The following KIF26B variants were observed in gnomAD, a reference collection of about 807,000 sequenced individuals.
KIF26B encodes the protein kinesin-like protein KIF26B.
KIF26B carries 63 observed loss-of-function variants against 151.2 expected under a neutral mutation model. The observed-to-expected ratio is 0.42, with a 90% confidence interval of 0.34 to 0.51. The LOEUF is 0.51. KIF26B is among the 20% of genes least tolerant of loss of function. KIF26B has a pLI of 0.07. For missense variants in KIF26B, 2,813 were observed against 2,913.6 expected, an observed-to-expected ratio of 0.97 and a Z score of 0.79; for synonymous variants, 1,357 against 1,262.1, an observed-to-expected ratio of 1.08 and a Z score of -1.59.
chr1:245,230,166 AAC>A (rs1491309333), intron 2 of KIF26B, among the ~76,000 whole-genome samples: 1 of 151,042 alleles, frequency 6.6e-6, no homozygotes, highest in Non-Finnish European at 1.5e-5. Context: ...AAAAAAAAAA[AAC>A]AACAACACTC....
At chr1:245,524,215 T>A (rs1301065672) in intron 4 of KIF26B, among the ~76,000 whole-genome samples, 1 of 152,176 alleles carries the variant, frequency 6.6e-6, no homozygotes, top group Non-Finnish European at 1.5e-5. Context: ...CAAAAGCATT[T>A]AGTGTGCTCC....
chr1:245,218,144 G>A lies in KIF26B; in HGVS notation c.465+61461G>A, dbSNP rs1254489987. 1.3e-5 allele frequency among the ~76,000 whole-genome samples: 2 copies of A among 152,226 alleles called. No individual in the cohort carries two copies. The highest frequency in any genetic ancestry group is 4.8e-5 in the African/African-American group (2 of 41,466). On this transcript the variant is annotated intron_variant, in intron 2 of 14. Coordinates refer to ENST00000407071, the MANE Select transcript of KIF26B (RefSeq NM_018012.4). This position sits in a 1 kb window ranked among gnomAD's most constrained non-coding sequence, Gnocchi z 4.1. ...GCAGCGGGCAGAGGCCAGAGGCCAT[G>A]GTGGGGGCCCCAGAACTCAGGCTGG...
intron 4 of KIF26B, among the ~76,000 whole-genome samples, chr1:245,460,942 G>A (rs1467618868): frequency 6.6e-6 from 1 of 152,314 alleles, no homozygotes; most frequent in East Asian, 1.9e-4. Context: ...AATAGTGACC[G>A]AAAACAAATA....
intron 4 of KIF26B, among the ~76,000 whole-genome samples, chr1:245,438,155 A>G (rs1213386805): frequency 1.3e-5 from 2 of 152,142 alleles, no homozygotes; most frequent in Non-Finnish European, 2.9e-5. Flanking sequence ...TGTTGGATGA[A>G]TTTGGTTAGC....
intron 3 of KIF26B, among the ~76,000 whole-genome samples, chr1:245,381,677 A>G (rs968873023): frequency 1.3e-5 from 2 of 152,048 alleles, no homozygotes; most frequent in African/African-American, 4.8e-5. Context: ...CACCTCCAGA[A>G]TACTCTGCAT....
chr1:245,207,362 A>G (rs902275472), intron 2 of KIF26B, among the ~76,000 whole-genome samples: 1 of 152,140 alleles, frequency 6.6e-6, no homozygotes, highest in Non-Finnish European at 1.5e-5. Context: ...TCCTGCCTCC[A>G]TTGGCTGGAG....
intron 3 of KIF26B, among the ~76,000 whole-genome samples, chr1:245,385,859 G>A (rs968401407): frequency 3.3e-5 from 5 of 152,262 alleles, no homozygotes; most frequent in African/African-American, 1.2e-4. Flanking sequence ...GTGAAGGCAG[G>A]GTCACAGATA....
At chr1:245,485,337 A>G (rs1480106606) in intron 4 of KIF26B, among the ~76,000 whole-genome samples, 3 of 151,698 alleles carry the variant, frequency 2.0e-5, no homozygotes, top group Non-Finnish European at 4.4e-5. Context: ...TGAATTATAC[A>G]CTTAAAGATG....
chr1:245,527,841 C>G lies in KIF26B; in HGVS notation c.1167-12926C>G, dbSNP rs151196063. 3.2e-3 allele frequency among the ~76,000 whole-genome samples: 493 copies of G among 152,024 alleles called. No individual in the cohort carries two copies. In the Middle Eastern group the frequency reaches 0.034, roughly 10 times the overall value. On this transcript the variant is annotated intron_variant, in intron 4 of 14. Coordinates refer to ENST00000407071, the MANE Select transcript of KIF26B (RefSeq NM_018012.4). ...AGCCACCGCGCCCGGCCCGGGATGG[C>G]TTTTTAATGCATGTTTAAATGGATC... is the stretch of plus-strand genomic sequence containing the variant.
At chr1:245,181,551 A>G (rs1359493650) in intron 2 of KIF26B, among the ~76,000 whole-genome samples, 1 of 151,310 alleles carries the variant, frequency 6.6e-6, no homozygotes, top group Non-Finnish European at 1.5e-5. Flanking sequence ...TTCTTCCATT[A>G]TATTATAGCC....
chr1:245,232,940 A>G (rs1399665635), intron 2 of KIF26B, among the ~76,000 whole-genome samples: 2 of 152,196 alleles, frequency 1.3e-5, no homozygotes, highest in African/African-American at 4.8e-5. Context: ...GAAGCCTCAG[A>G]ATTCTACTCA....
At chr1:245,309,867 A>G (rs1671632849) in intron 2 of KIF26B, among the ~76,000 whole-genome samples, 2 of 146,232 alleles carry the variant, frequency 1.4e-5, no homozygotes, top group Non-Finnish European at 1.5e-5. Flanking sequence ...TTTAATATAT[A>G]TAATAAATCA....
rs142944235 is a variant in KIF26B, at chr1:245,393,559, A to T, written c.1000-26020A>T. ...ATTGTAATTTGGGAGTGAGACGCAG[A>T]ATAACTCAAGGAGGAGCATGGAAGG... On this transcript the variant is annotated intron_variant, in intron 3 of 14. Coordinates refer to ENST00000407071, the MANE Select transcript of KIF26B (RefSeq NM_018012.4). Among the ~76,000 whole-genome samples the T allele has an allele frequency of 6.8e-4, 103 of 152,368 alleles. 1 individual carries two copies. Among genetic ancestry groups the T allele is most frequent in the Non-Finnish European group, 1.2e-3 (84 of 68,040 alleles).
chr1:245,419,282 A>C (rs1327449475), intron 3 of KIF26B, among the ~76,000 whole-genome samples: 1 of 152,224 alleles, frequency 6.6e-6, no homozygotes, highest in Non-Finnish European at 1.5e-5. Flanking sequence ...CAAAGAGTGC[A>C]TGGATAATGG....
Position 245,171,294 on chromosome 1 carries a change from A to C in KIF26B, c.465+14611A>C, listed in dbSNP as rs142599880. Among the ~76,000 whole-genome samples the C allele has an allele frequency of 6.2e-3, 945 of 152,372 alleles. 6 individuals are homozygous for C. The highest frequency in any genetic ancestry group is 0.021 in the African/African-American group (878 of 41,598). On this transcript the variant is annotated intron_variant, in intron 2 of 14. Transcript: ENST00000407071. ...CACGGTGGCTCACGCCTGTAATCCC[A>C]GCACTTTGGGAGGCCAAGGCGGGCG... is the stretch of plus-strand genomic sequence containing the variant.
intron 5 of KIF26B, among the ~76,000 whole-genome samples, chr1:245,548,125 C>T (rs1435760064): frequency 6.6e-6 from 1 of 152,144 alleles, no homozygotes; most frequent in Non-Finnish European, 1.5e-5. Context: ...TATCTATGGG[C>T]AAGCTAGAAT....
At chr1:245,584,194 A>G (rs2043202918) in intron 5 of KIF26B, among the ~76,000 whole-genome samples, 1 of 151,964 alleles carries the variant, frequency 6.6e-6, no homozygotes, top group Non-Finnish European at 1.5e-5. Context: ...TCATGCTCCC[A>G]TTCTCATCAC....
chr1:245,156,912 G>A (rs1668447804), intron 2 of KIF26B, among the ~76,000 whole-genome samples: 2 of 152,234 alleles, frequency 1.3e-5, no homozygotes, highest in Non-Finnish European at 2.9e-5. Context: ...CGAGCGCGAA[G>A]GGGCGCCCGT....
intron 5 of KIF26B, among the ~76,000 whole-genome samples, chr1:245,600,515 C>G (rs1381842367): frequency 6.6e-6 from 1 of 151,240 alleles, no homozygotes; most frequent in Non-Finnish European, 1.5e-5. Context: ...TTTTAATTAA[C>G]TTTTTGTAGA....
Sources: gnomAD v4.1 joint callset for allele counts (sites outside exome capture counted in the v4.1 genomes callset) on GRCh38, gnomAD v4.1.1 for gene constraint, Gnocchi (gnomAD v3.1) non-coding constraint, MANE v1.5 for transcripts, NCBI Gene and HGNC (gene_info 2026-07-23, HGNC 2026-07-21) for gene names.